The following GPR176 variants were observed in gnomAD, a reference collection of about 807,000 sequenced individuals.
GPR176 encodes the protein G protein-coupled receptor 176.
Under a neutral mutation model 35.4 loss-of-function variants are expected in GPR176, and 26 were observed. The ratio of observed to expected loss-of-function variants is 0.74; its 90% CI spans 0.54 to 1.02. The LOEUF is 1.02. GPR176 is among the 50% of genes least tolerant of loss of function. The pLI, the probability that GPR176 is intolerant of heterozygous loss-of-function variation, is 0.00. For synonymous variants in GPR176, 278 were observed against 271.3 expected, an observed-to-expected ratio of 1.02 and a Z score of -0.24; for missense variants, 597 against 665.3, an observed-to-expected ratio of 0.90 and a Z score of 1.13.
intron 1 of GPR176, among the ~76,000 whole-genome samples, chr15:39,848,422 CAAGGA>C (rs1486935272): frequency 6.6e-6 from 1 of 152,076 alleles, no homozygotes; most frequent in Non-Finnish European, 1.5e-5. Context: ...AGAAAATCTA[CAAGGA>C]AAGAGAAGAA....
At chr15:39,889,439 T>G (rs887635740) in intron 1 of GPR176, among the ~76,000 whole-genome samples, 7 of 151,682 alleles carry the variant, frequency 4.6e-5, no homozygotes, top group Non-Finnish European at 4.4e-5. Context: ...CCCAGCTACT[T>G]GGGGGAATGA....
chr15:39,815,873 G>C (rs943287982), intron 1 of GPR176, among the ~76,000 whole-genome samples: 1 of 152,128 alleles, frequency 6.6e-6, no homozygotes. Context: ...CATTATTCCC[G>C]ATCACCAAGA....
chr15:39,809,595 C>G (rs1380201632), intron 1 of GPR176, among the ~76,000 whole-genome samples: 1 of 152,194 alleles, frequency 6.6e-6, no homozygotes, highest in African/African-American at 2.4e-5. Context: ...GTCACCTAAT[C>G]TACCCTAGAA....
chr15:39,825,982 CTAAG>C (rs1353242140), intron 1 of GPR176, among the ~76,000 whole-genome samples: 1 of 152,194 alleles, frequency 6.6e-6, no homozygotes, highest in African/African-American at 2.4e-5. Context: ...AGCAACAGGT[CTAAG>C]TGAGTCAAGC....
At chr15:39,893,393 CAT>C (rs1256810951) in intron 1 of GPR176, among the ~76,000 whole-genome samples, 2 of 152,026 alleles carry the variant, frequency 1.3e-5, no homozygotes. Flanking sequence ...GGACACAGCA[CAT>C]GTTTCAGAGA....
chr15:39,896,600 A>C (rs1209561533), intron 1 of GPR176, among the ~76,000 whole-genome samples: 1 of 152,162 alleles, frequency 6.6e-6, no homozygotes, highest in Non-Finnish European at 1.5e-5. Context: ...ATAATTAGTA[A>C]AAAGTTATTT....
At chr15:39,813,097 T>G (rs1899677130) in intron 1 of GPR176, 1 of 152,224 alleles carries the variant, frequency 6.6e-6, no homozygotes, top group African/African-American at 2.4e-5. Flanking sequence ...ATTTAGAATA[T>G]TTACATTTTT....
At chr15:39,845,496 A>G (rs1449381965) in intron 1 of GPR176, among the ~76,000 whole-genome samples, 1 of 151,646 alleles carries the variant, frequency 6.6e-6, no homozygotes, top group Non-Finnish European at 1.5e-5. Context: ...CTTAAGTACC[A>G]TGGCTGTCCA....
intron 1 of GPR176, among the ~76,000 whole-genome samples, chr15:39,809,363 C>T (rs1381188220): frequency 2.0e-5 from 3 of 152,092 alleles, no homozygotes; most frequent in African/African-American, 7.2e-5. Flanking sequence ...CATTTGGTTA[C>T]ACATTTAAAA....
At chr15:39,880,548 T>G (rs573618901) in intron 1 of GPR176, among the ~76,000 whole-genome samples, 24 of 152,308 alleles carry the variant, frequency 1.6e-4, no homozygotes, top group African/African-American at 5.8e-4. Context: ...AATTGGGTAT[T>G]TCACAGGTGC....
At chr15:39,880,658 T>A (rs954787557) in intron 1 of GPR176, among the ~76,000 whole-genome samples, 2 of 152,014 alleles carry the variant, frequency 1.3e-5, no homozygotes, top group African/African-American at 4.8e-5. Context: ...TCTTTCACAC[T>A]CTCTCTCTTT....
chr15:39,865,665 G>A (rs569568749), intron 1 of GPR176, among the ~76,000 whole-genome samples: 1 of 152,122 alleles, frequency 6.6e-6, no homozygotes, highest in Non-Finnish European at 1.5e-5. Flanking sequence ...TGATCTATGC[G>A]TGTAACAAAA....
intron 1 of GPR176, among the ~76,000 whole-genome samples, chr15:39,834,148 A>C (rs1901258283): frequency 6.6e-6 from 1 of 152,204 alleles, no homozygotes; most frequent in African/African-American, 2.4e-5. Context: ...AGTCCCTAAT[A>C]ACAAATCACA....
At chr15:39,859,296 A>C (rs1456150442) in intron 1 of GPR176, among the ~76,000 whole-genome samples, 1 of 152,180 alleles carries the variant, frequency 6.6e-6, no homozygotes, top group African/African-American at 2.4e-5. Flanking sequence ...GAATATATAA[A>C]AAATTCCTAA....
chr15:39,848,136 CT>C (rs764219956), intron 1 of GPR176, among the ~76,000 whole-genome samples: 2 of 152,116 alleles, frequency 1.3e-5, no homozygotes, highest in Non-Finnish European at 2.9e-5. Flanking sequence ...TCTTCCAACA[CT>C]GGGGATTACA....
At chr15:39,832,387 C>T (rs571067992) in intron 1 of GPR176, among the ~76,000 whole-genome samples, 5 of 152,070 alleles carry the variant, frequency 3.3e-5, no homozygotes, top group South Asian at 2.1e-4. Context: ...AACAAATTAC[C>T]GCAAACTTGC....
chr15:39,880,261 G>T (rs1011893611), intron 1 of GPR176, among the ~76,000 whole-genome samples: 2 of 152,090 alleles, frequency 1.3e-5, no homozygotes, highest in Non-Finnish European at 2.9e-5. Context: ...ACACTGTCTG[G>T]TCTCTCCCTG....
At chr15:39,869,003 T>TC (rs2031940870) in intron 1 of GPR176, among the ~76,000 whole-genome samples, 1 of 116,572 alleles carries the variant, frequency 8.6e-6, no homozygotes, top group African/African-American at 4.2e-5. Flanking sequence ...AAATTCTGTC[T>TC]CAAAAAAAAA....
chr15:39,907,934 G>C (rs185916697), intron 1 of GPR176, among the ~76,000 whole-genome samples: 2 of 152,206 alleles, frequency 1.3e-5, no homozygotes, highest in African/African-American at 4.8e-5. Flanking sequence ...GCAGTGAGCC[G>C]AGATCATGCC....
Sources: allele counts gnomAD v4.1 joint callset (sites outside exome capture counted in the v4.1 genomes callset), GRCh38; gene constraint gnomAD v4.1.1; transcripts MANE v1.5; gene names NCBI Gene and HGNC (gene_info 2026-07-23, HGNC 2026-07-21).